Variants in SLC24A3 observed in about 807,000 individuals in gnomAD.
The protein encoded by SLC24A3 is sodium/potassium/calcium exchanger 3.
In SLC24A3, 28 loss-of-function variants were observed where a neutral mutation model predicts 75.8. That is an observed-to-expected ratio of 0.37 (90% CI 0.27 to 0.51). The LOEUF (loss-of-function observed/expected upper bound fraction) is 0.51. SLC24A3 is among the 20% of genes least tolerant of loss of function. The pLI is 0.94. For synonymous variants in SLC24A3, 372 were observed against 334.1 expected, an observed-to-expected ratio of 1.11 and a Z score of -1.24; for missense variants, 663 against 847.8, an observed-to-expected ratio of 0.78 and a Z score of 2.71.
chr20:19,655,429 G>A (rs1034420366), intron 7 of SLC24A3, among the ~76,000 whole-genome samples: 54 of 152,266 alleles, frequency 3.5e-4, no homozygotes, highest in African/African-American at 1.3e-3. Flanking sequence ...GAAGAACATT[G>A]AAATAGGAGT....
At chr20:19,439,641 C>A (rs1440929605) in intron 2 of SLC24A3, among the ~76,000 whole-genome samples, 1 of 152,188 alleles carries the variant, frequency 6.6e-6, no homozygotes, top group Non-Finnish European at 1.5e-5. Context: ...TCCTTCCAAG[C>A]AAGAGTCTTC....
intron 2 of SLC24A3, among the ~76,000 whole-genome samples, chr20:19,474,381 G>C (rs143794309): frequency 1.3e-5 from 2 of 152,102 alleles, no homozygotes; most frequent in Non-Finnish European, 2.9e-5. Context: ...ATCTGATAGC[G>C]AGCACCTGAA....
chr20:19,640,706 TGC>T (rs1419201112), intron 6 of SLC24A3, among the ~76,000 whole-genome samples: 2 of 152,166 alleles, frequency 1.3e-5, no homozygotes, highest in Non-Finnish European at 2.9e-5. Context: ...GCCGAGATCA[TGC>T]CACTACACTC....
At chr20:19,297,042 A>G (rs1984078486) in intron 2 of SLC24A3, among the ~76,000 whole-genome samples, 3 of 152,140 alleles carry the variant, frequency 2.0e-5, no homozygotes, top group East Asian at 3.9e-4. Flanking sequence ...AGAAAACTAG[A>G]ATGAATTTTA....
intron 1 of SLC24A3, among the ~76,000 whole-genome samples, chr20:19,274,423 C>G (rs1983422194): frequency 6.6e-6 from 1 of 152,002 alleles, no homozygotes; most frequent in Admixed American, 6.6e-5. Context: ...AATGTATGGC[C>G]CTGTTAGCCT....
chr20:19,698,579 A>G lies in SLC24A3; in HGVS notation c.1618A>G (p.Met540Val). The change falls in exon 15 of 17, where the codon ATG becomes GTG. Residue 540 changes from methionine (M) to valine (V), a missense_variant. Transcript: ENST00000328041. Reference protein sequence around the residue: ...LIVARQGMGDMAVSNSIGSNV... With the variant: ...LIVARQGMGDVAVSNSIGSNV... The stretch of plus-strand genomic sequence containing the variant: ...TCTTGTCCCTGCAGGGATGGGGGAC[A>G]TGGCTGTGTCCAACTCCATTGGGAG... The G allele has an allele frequency of 1.3e-6, 2 of 1,583,366 alleles. No individual in the cohort carries two copies. The highest frequency in any genetic ancestry group is 1.7e-6 in the Non-Finnish European group (2 of 1,162,416).
chr20:19,450,600 C>T (rs1987463899), intron 2 of SLC24A3, among the ~76,000 whole-genome samples: 1 of 152,206 alleles, frequency 6.6e-6, no homozygotes, highest in African/African-American at 2.4e-5. Flanking sequence ...TGAGACATCA[C>T]CAGCTCATAG....
intron 6 of SLC24A3, among the ~76,000 whole-genome samples, chr20:19,618,620 G>A (rs1392761892): frequency 6.6e-6 from 1 of 152,208 alleles, no homozygotes; most frequent in Non-Finnish European, 1.5e-5. Flanking sequence ...TGACAACCAT[G>A]TACCAACTAG....
intron 15 of SLC24A3, among the ~76,000 whole-genome samples, chr20:19,711,610 A>G (rs1045252035): frequency 6.6e-6 from 1 of 152,122 alleles, no homozygotes; most frequent in Admixed American, 6.5e-5. Context: ...ACAAACACAC[A>G]CACCCATGCT....
intron 6 of SLC24A3, among the ~76,000 whole-genome samples, chr20:19,591,272 T>G (rs1055492067): frequency 6.6e-6 from 1 of 152,194 alleles, no homozygotes; most frequent in African/African-American, 2.4e-5. Flanking sequence ...GAAGTCAGAT[T>G]CATTCTCAGA....
intron 2 of SLC24A3, among the ~76,000 whole-genome samples, chr20:19,389,825 C>A (rs746422533): frequency 2.0e-5 from 3 of 151,966 alleles, no homozygotes; most frequent in Non-Finnish European, 2.9e-5. Flanking sequence ...TGCTTTTAGC[C>A]TCTTGCTCTT....
At chr20:19,322,981 C>A (rs1195754553) in intron 2 of SLC24A3, among the ~76,000 whole-genome samples, 1 of 151,810 alleles carries the variant, frequency 6.6e-6, no homozygotes, top group East Asian at 1.9e-4. Flanking sequence ...CCGAGGCGGG[C>A]GGATCACGAG....
chr20:19,684,245 C>T lies in SLC24A3; in HGVS notation c.971C>T (p.Ser324Phe), dbSNP rs2032647353. The T allele has an allele frequency of 6.2e-7, 1 of 1,614,054 alleles. No individual in the cohort carries two copies. The highest frequency in any genetic ancestry group is 8.5e-7 in the Non-Finnish European group (1 of 1,180,040). Residue 324 changes from serine to phenylalanine, a missense_variant, in exon 11 of 17, where the codon TCC becomes TTC. Coordinates refer to ENST00000328041, the MANE Select transcript of SLC24A3 (RefSeq NM_020689.4). ...CTGTCAGCCTACCCACACCAGCTTT[C>T]CTTCTCTGAGGCTGGCCTTCGAATC... ...ELLSAYPHQLSFSEAGLRIMI... is the reference protein window; with the variant it reads ...ELLSAYPHQLFFSEAGLRIMI...
At chr20:19,379,942 A>G (rs1986153453) in intron 2 of SLC24A3, among the ~76,000 whole-genome samples, 1 of 152,234 alleles carries the variant, frequency 6.6e-6, no homozygotes. Context: ...GCATTCATTC[A>G]TTTAGTAACT....
intron 6 of SLC24A3, among the ~76,000 whole-genome samples, chr20:19,636,215 A>G (rs972294101): frequency 6.6e-6 from 1 of 152,160 alleles, no homozygotes; most frequent in South Asian, 2.1e-4. Flanking sequence ...ATGTAACACC[A>G]TTTCTGTCAT....
At chr20:19,274,419 T>C (rs1459744922) in intron 1 of SLC24A3, among the ~76,000 whole-genome samples, 3 of 152,070 alleles carry the variant, frequency 2.0e-5, no homozygotes, top group African/African-American at 4.8e-5. Context: ...AATGAATGTA[T>C]GGCCCTGTTA....
intron 6 of SLC24A3, among the ~76,000 whole-genome samples, chr20:19,631,053 A>G (rs922494771): frequency 6.6e-6 from 1 of 152,190 alleles, no homozygotes; most frequent in Non-Finnish European, 1.5e-5. Context: ...TTATTATGAA[A>G]GTATTGTGTG....
chr20:19,298,359 G>A (rs1199685912), intron 2 of SLC24A3, among the ~76,000 whole-genome samples: 2 of 152,180 alleles, frequency 1.3e-5, no homozygotes, highest in South Asian at 2.1e-4. Flanking sequence ...TTATGTGTTG[G>A]TTCCTGACAC....
intron 3 of SLC24A3, among the ~76,000 whole-genome samples, chr20:19,539,972 G>T (rs1263599994): frequency 6.6e-6 from 1 of 152,208 alleles, no homozygotes; most frequent in Admixed American, 6.5e-5. Context: ...CTTCAAGGGA[G>T]ATGGAGAGGG....
Sources: allele counts gnomAD v4.1 joint callset (sites outside exome capture counted in the v4.1 genomes callset), GRCh38; gene constraint gnomAD v4.1.1; transcripts MANE v1.5; gene names NCBI Gene and HGNC (gene_info 2026-07-23, HGNC 2026-07-21).